CLASP2: variants seen among roughly 807,000 people sequenced by gnomAD.
The protein encoded by CLASP2 is cytoplasmic linker associated protein 2, also known as CLIP-associating protein 2.
CLASP2 carries 47 observed loss-of-function variants against 194.4 expected under a neutral mutation model. That is an observed-to-expected ratio of 0.24 (90% confidence interval 0.19 to 0.31). The LOEUF is 0.31. CLASP2 is among the 10% of genes least tolerant of loss of function. CLASP2 has a pLI of 1.00. For missense variants in CLASP2, 1,445 were observed against 1,823.6 expected (o/e 0.79, Z 3.78); for synonymous variants, 619 against 633.5 (o/e 0.98, Z 0.34).
chr3:33,644,040 G>C (rs1286438525), intron 8 of CLASP2, among the ~76,000 whole-genome samples: 1 of 152,012 alleles, frequency 6.6e-6, no homozygotes, highest in Non-Finnish European at 1.5e-5. Flanking sequence ...TATTTTCACA[G>C]ATTCATTCTA....
chr3:33,669,993 A>G (rs183318299), intron 6 of CLASP2, among the ~76,000 whole-genome samples: 2 of 152,318 alleles, frequency 1.3e-5, no homozygotes, highest in East Asian at 1.9e-4. Context: ...TTGGATTTGT[A>G]GTCTATTCAT....
chr3:33,656,994 T>A (rs1256422484), intron 7 of CLASP2, among the ~76,000 whole-genome samples: 11 of 152,146 alleles, frequency 7.2e-5, no homozygotes, highest in Non-Finnish European at 1.5e-5. Context: ...AATAAAAGTG[T>A]TCTCCTCTGT....
chr3:33,700,807 G>A (rs570105317), intron 1 of CLASP2, among the ~76,000 whole-genome samples: 8 of 152,258 alleles, frequency 5.3e-5, no homozygotes, highest in East Asian at 1.9e-4. Flanking sequence ...CTGAGATCGC[G>A]CCATTGCACT....
At chr3:33,513,739 C>G (rs551648224) in intron 36 of CLASP2, among the ~76,000 whole-genome samples, 1 of 152,290 alleles carries the variant, frequency 6.6e-6, no homozygotes, top group East Asian at 1.9e-4. Flanking sequence ...TTCCTAATGA[C>G]TAATGATGTT....
At chr3:33,680,148 T>C (rs1370905883) in intron 6 of CLASP2, among the ~76,000 whole-genome samples, 1 of 152,226 alleles carries the variant, frequency 6.6e-6, no homozygotes, top group Non-Finnish European at 1.5e-5. Context: ...ATTGTATGAA[T>C]GTAACTATAT....
intron 33 of CLASP2, among the ~76,000 whole-genome samples, chr3:33,537,937 C>G (rs1256708466): frequency 6.6e-6 from 1 of 152,084 alleles, no homozygotes; most frequent in Non-Finnish European, 1.5e-5. Context: ...GTCAGGAGAT[C>G]GAGACCATCC....
chr3:33,696,618 A>G (rs2091943218), intron 2 of CLASP2, among the ~76,000 whole-genome samples: 1 of 151,922 alleles, frequency 6.6e-6, no homozygotes, highest in Non-Finnish European at 1.5e-5. Flanking sequence ...GGCACACGCC[A>G]TCACACCTGG....
intron 25 of CLASP2, among the ~76,000 whole-genome samples, chr3:33,571,015 A>ATTTTTTTTTTTTTTTTTTTTTTTTTTTT (rs1027731514): frequency 8.9e-5 from 11 of 123,922 alleles, no homozygotes; most frequent in East Asian, 5.1e-4. Flanking sequence ...GTCTCTATAA[A>ATTTTTTTTTTTTTTTTTTTTTTTTTTTT]TTTTTTTTTT....
At position 33,718,130 on chromosome 3, in the gene CLASP2, G is replaced by T. The variant is rs995264256; in HGVS notation, c.-128C>A. On this transcript the variant is annotated 5_prime_UTR_variant, in exon 1 of 39. Coordinates refer to ENST00000682230, the MANE Select transcript of CLASP2 (RefSeq NM_001365631.1). The stretch of plus-strand genomic sequence containing the variant: ...TTAGCCCGCCAGGGGCGCGGCTTGC[G>T]GGGCGCAGCGGGCGGCGGGAGGAAC... 6.0e-5 allele frequency: 56 copies of T among 940,816 alleles called. No individual in the cohort carries two copies. The highest frequency in any genetic ancestry group is 7.8e-5 in the Non-Finnish European group (54 of 694,080). The allele number at this position is 940,816 out of a possible 1,614,324, so 58.3% of individuals were successfully genotyped here.
intron 23 of CLASP2, among the ~76,000 whole-genome samples, chr3:33,580,680 G>C (rs1263916897): frequency 6.6e-6 from 1 of 151,892 alleles, no homozygotes; most frequent in Non-Finnish European, 1.5e-5. Context: ...AAAGTCCAAA[G>C]AGCAACCTTC....
intron 6 of CLASP2, among the ~76,000 whole-genome samples, chr3:33,678,507 T>C (rs1001246234): frequency 6.6e-6 from 1 of 152,202 alleles, no homozygotes; most frequent in Non-Finnish European, 1.5e-5. Context: ...CTACAATTCT[T>C]TTTAGTTTTC....
At chr3:33,590,662 T>C (rs1198296165) in intron 21 of CLASP2, among the ~76,000 whole-genome samples, 1 of 152,196 alleles carries the variant, frequency 6.6e-6, no homozygotes, top group Non-Finnish European at 1.5e-5. Context: ...TTTAGGACTC[T>C]TCTTGGTGCT....
chr3:33,546,577 C>T (rs991226500), intron 30 of CLASP2, among the ~76,000 whole-genome samples: 3 of 152,088 alleles, frequency 2.0e-5, no homozygotes, highest in Non-Finnish European at 2.9e-5. Context: ...CTCCAGAGTT[C>T]CCTTTTGTAA....
chr3:33,682,294 A>C (rs1375208270), intron 6 of CLASP2, among the ~76,000 whole-genome samples: 1 of 152,202 alleles, frequency 6.6e-6, no homozygotes, highest in East Asian at 1.9e-4. Context: ...ATTGTGACTG[A>C]CAAAAAATTT....
chr3:33,668,255 A>C (rs2154336314), intron 6 of CLASP2, among the ~76,000 whole-genome samples: 1 of 152,326 alleles, frequency 6.6e-6, no homozygotes, highest in East Asian at 1.9e-4. Context: ...ATTTGACTTA[A>C]TGTCTTTATG....
Position 33,663,530 on chromosome 3 carries a change from T to C in CLASP2, c.645-15A>G. Reference sequence around the variant, plus strand: ...TCATTTCTAATCTGGGAATAAAGAATAAATTGGGTTTGTTTGATTTTTTAA... The same window carrying C: ...TCATTTCTAATCTGGGAATAAAGAACAAATTGGGTTTGTTTGATTTTTTAA... On this transcript the variant is annotated splice_polypyrimidine_tract_variant and intron_variant, in intron 6 of 38. Coordinates refer to ENST00000682230, the MANE Select transcript of CLASP2 (RefSeq NM_001365631.1). The C allele has an allele frequency of 6.4e-7, 1 of 1,569,272 alleles. No individual in the cohort carries two copies. The highest frequency in any genetic ancestry group is 8.8e-7 in the Non-Finnish European group (1 of 1,141,104).
chr3:33,708,752 T>C (rs1575759048), intron 1 of CLASP2, among the ~76,000 whole-genome samples: 1 of 152,024 alleles, frequency 6.6e-6, no homozygotes, highest in Admixed American at 6.6e-5. Flanking sequence ...GTTCTATTTT[T>C]AACTTTCTGA....
intron 7 of CLASP2, among the ~76,000 whole-genome samples, chr3:33,660,110 G>C (rs1211840055): frequency 6.6e-6 from 1 of 152,110 alleles, no homozygotes; most frequent in Non-Finnish European, 1.5e-5. Flanking sequence ...ATTATGCATA[G>C]TTTTTTTCAC....
intron 31 of CLASP2, 34 bp from the exon 32 acceptor site, chr3:33,543,573 T>A (rs2058707578): frequency 7.6e-7 from 1 of 1,316,406 alleles, no homozygotes; most frequent in Admixed American, 1.7e-5. Context: ...ATTAACATAT[T>A]ACAGGTAAGT....
Sources: gnomAD v4.1 joint callset for allele counts (sites outside exome capture counted in the v4.1 genomes callset) on GRCh38, gnomAD v4.1.1 for gene constraint, MANE v1.5 for transcripts, NCBI Gene and HGNC (gene_info 2026-07-23, HGNC 2026-07-21) for gene names.